Variants in FBXL20 observed in about 807,000 individuals in gnomAD.
The protein encoded by FBXL20 is F-box and leucine rich repeat protein 20, also known as F-box/LRR-repeat protein 20.
FBXL20 carries 11 observed loss-of-function variants against 64.0 expected under a neutral mutation model. That is an observed-to-expected ratio of 0.17 (90% CI 0.11 to 0.28). The LOEUF (loss-of-function observed/expected upper bound fraction) is 0.28. FBXL20 is among the 10% of genes least tolerant of loss of function. The probability of loss-of-function intolerance (pLI) is 1.00; values close to 1 mark genes in which losing one functional copy is unlikely to be tolerated. For synonymous variants in FBXL20, 184 were observed against 189.0 expected, an observed-to-expected ratio of 0.97 and a Z score of 0.22; for missense variants, 303 against 526.2, an observed-to-expected ratio of 0.58 and a Z score of 4.15.
At chr17:39,397,882 C>T (rs1011669302) in intron 1 of FBXL20, among the ~76,000 whole-genome samples, 2 of 151,576 alleles carry the variant, frequency 1.3e-5, no homozygotes, top group African/African-American at 4.9e-5. Flanking sequence ...GATTGGAATC[C>T]TGGTTCCCCC....
intron 13 of FBXL20, 142 bp from the exon 14 acceptor site, chr17:39,264,529 T>A: frequency 3.7e-6 from 3 of 805,302 alleles, no homozygotes; most frequent in East Asian, 2.7e-5. Flanking sequence ...TGGTGAAATT[T>A]AAAAAACTAG....
chr17:39,363,814 A>AAAAAAAAAC lies in FBXL20; in HGVS notation c.43-20574_43-20573insGTTTTTTTT, dbSNP rs1567896945. Among the ~76,000 whole-genome samples the AAAAAAAAAC allele has an allele frequency of 1.4e-3, 183 of 134,668 alleles. 6 individuals are homozygous for AAAAAAAAAC. Among genetic ancestry groups the AAAAAAAAAC allele is most frequent in the African/African-American group, 5.5e-3 (178 of 32,280 alleles). 88.3% of individuals were successfully genotyped at this position (134,668 alleles called of 152,430 possible). On this transcript the variant is annotated intron_variant, in intron 1 of 14. Coordinates refer to ENST00000264658, the MANE Select transcript of FBXL20 (RefSeq NM_032875.3). ...TGACAGAGCAAGACTTTATCTCAAA[A>AAAAAAAAAC]AAAAAAAAAAAACAAAAAACAAAAA...
Position 39,260,982 on chromosome 17 carries a change from T to G in FBXL20, c.*478A>C, listed in dbSNP as rs2046740240. 1 of 158,652 alleles carries G rather than the reference T, an allele frequency of 6.3e-6. No individual in the cohort carries two copies. Among genetic ancestry groups the G allele is most frequent in the African/African-American group, 2.4e-5 (1 of 41,480 alleles). The allele number at this position is 158,652 out of a possible 1,614,324, so 9.8% of individuals were successfully genotyped here. ...AGAAGCTCTTTAGTCACAATGAATG[T>G]CTACCATTTCTAAGATGCAAAGAAA... On this transcript the variant is annotated 3_prime_UTR_variant, in exon 15 of 15. Transcript: ENST00000264658.
chr17:39,322,621 ACT>A (rs2047367970), intron 2 of FBXL20, among the ~76,000 whole-genome samples: 1 of 152,134 alleles, frequency 6.6e-6, no homozygotes, highest in African/African-American at 2.4e-5. Context: ...ATGCTCAAGC[ACT>A]CTGTGTTAAC....
chr17:39,331,262 G>A (rs560140871), intron 2 of FBXL20, among the ~76,000 whole-genome samples: 2 of 152,106 alleles, frequency 1.3e-5, no homozygotes, highest in South Asian at 2.1e-4. Flanking sequence ...CATCATGCCC[G>A]GCTAATTTTT....
chr17:39,281,763 C>T (rs1356743037), intron 8 of FBXL20, among the ~76,000 whole-genome samples: 1 of 152,082 alleles, frequency 6.6e-6, no homozygotes, highest in Non-Finnish European at 1.5e-5. Context: ...ATATACCTGA[C>T]AGCATTTTAC....
chr17:39,257,901 G>A lies in FBXL20; in HGVS notation c.*3559C>T, dbSNP rs2046709254. 6.5e-6 allele frequency: 1 copy of A among 152,998 alleles called. No individual in the cohort carries two copies. Among genetic ancestry groups the A allele is most frequent in the Non-Finnish European group, 1.5e-5 (1 of 68,064 alleles). The allele number at this position is 152,998 out of a possible 1,614,324, so 9.5% of individuals were successfully genotyped here. On this transcript the variant is annotated 3_prime_UTR_variant, in exon 15 of 15. Coordinates refer to ENST00000264658, the MANE Select transcript of FBXL20 (RefSeq NM_032875.3). ...AAGCTGGAGTCAGCTCAATGGGGCT[G>A]ATGAAGAGGATGAAAAGACATTGAT...
upstream of FBXL20, chr17:39,402,283 TGCC>T (rs951681719): frequency 1.8e-4 from 212 of 1,146,638 alleles, no homozygotes; most frequent in Middle Eastern, 6.5e-4. Flanking sequence ...CCTCCGCGGT[TGCC>T]GCCGCCGCCG....
intron 2 of FBXL20, among the ~76,000 whole-genome samples, chr17:39,330,551 T>G (rs1219755789): frequency 2.0e-5 from 3 of 151,886 alleles, no homozygotes; most frequent in Non-Finnish European, 4.4e-5. Flanking sequence ...GAAGCGGAGG[T>G]TGCAGTGAGC....
At chr17:39,271,619 A>G (rs903868010) in intron 10 of FBXL20, among the ~76,000 whole-genome samples, 1 of 150,880 alleles carries the variant, frequency 6.6e-6, no homozygotes, top group East Asian at 1.9e-4. Flanking sequence ...AAAAAAAAAA[A>G]AAAAAGGTGG....
intron 2 of FBXL20, among the ~76,000 whole-genome samples, chr17:39,337,403 G>A (rs1397334419): frequency 1.3e-5 from 2 of 152,102 alleles, no homozygotes; most frequent in African/African-American, 2.4e-5. Flanking sequence ...CTGCCCGGCC[G>A]CCACCCCATC....
intron 2 of FBXL20, among the ~76,000 whole-genome samples, chr17:39,315,495 T>C (rs1245225192): frequency 6.6e-6 from 1 of 150,576 alleles, no homozygotes; most frequent in African/African-American, 2.5e-5. Context: ...CTAAAGCCAT[T>C]AGGAGGGGCA....
chr17:39,319,688 A>C (rs1843716456), intron 2 of FBXL20, among the ~76,000 whole-genome samples: 1 of 151,108 alleles, frequency 6.6e-6, no homozygotes, highest in Admixed American at 6.6e-5. Flanking sequence ...AAAAAAAAAA[A>C]AAAAAAAACT....
intron 14 of FBXL20, among the ~76,000 whole-genome samples, chr17:39,262,859 G>A (rs761120186): frequency 4.6e-5 from 7 of 151,884 alleles, no homozygotes; most frequent in South Asian, 4.2e-4. Context: ...AAAATTAGCC[G>A]GGCGTGGTGG....
chr17:39,297,736 G>A (rs773533442), intron 5 of FBXL20, among the ~76,000 whole-genome samples: 6 of 151,906 alleles, frequency 3.9e-5, no homozygotes, highest in Non-Finnish European at 8.8e-5. Flanking sequence ...CATTAAGCCT[G>A]GCCATGATTT....
intron 1 of FBXL20, among the ~76,000 whole-genome samples, chr17:39,387,525 CG>C (rs534340487): frequency 7.6e-4 from 115 of 151,488 alleles, no homozygotes; most frequent in African/African-American, 2.6e-3. Context: ...GTGATCTGGC[CG>C]TCTCGGCCTC....
chr17:39,389,980 C>A (rs900054507), intron 1 of FBXL20, among the ~76,000 whole-genome samples: 2 of 152,154 alleles, frequency 1.3e-5, no homozygotes, highest in African/African-American at 4.8e-5. Flanking sequence ...TGTCAACTTA[C>A]AATTTGGTGC....
chr17:39,343,742 C>G (rs1270557508), intron 1 of FBXL20, among the ~76,000 whole-genome samples: 1 of 148,690 alleles, frequency 6.7e-6, no homozygotes, highest in Middle Eastern at 3.2e-3. Flanking sequence ...GCTGCCCAGT[C>G]TGGAGTACAG....
In FBXL20 at chr17:39,254,188, T is replaced by C. The variant is rs2046674883; in HGVS notation, c.*7272A>G. Reference sequence around the variant, plus strand: ...CGCCTCCCAGGTTCAAGTGATTCTCTTGCCTCAGCCTCCCAAGTAGCTGGG... The same window carrying C: ...CGCCTCCCAGGTTCAAGTGATTCTCCTGCCTCAGCCTCCCAAGTAGCTGGG... On this transcript the variant is annotated 3_prime_UTR_variant, in exon 15 of 15. Coordinates refer to ENST00000264658, the MANE Select transcript of FBXL20 (RefSeq NM_032875.3). The C allele has an allele frequency of 1.3e-5, 2 of 152,206 alleles. No individual in the cohort carries two copies. Among genetic ancestry groups the C allele is most frequent in the Non-Finnish European group, 2.9e-5 (2 of 68,098 alleles). The allele number at this position is 152,206 out of a possible 1,614,324, so 9.4% of individuals were successfully genotyped here.
Sources: gnomAD v4.1 joint callset for allele counts (sites outside exome capture counted in the v4.1 genomes callset) on GRCh38, gnomAD v4.1.1 for gene constraint, MANE v1.5 for transcripts, NCBI Gene and HGNC (gene_info 2026-07-23, HGNC 2026-07-21) for gene names.